The following DYM variants were observed in gnomAD, a reference collection of about 807,000 sequenced individuals.
DYM encodes the protein dymeclin.
In DYM, 78 loss-of-function variants were observed where a neutral mutation model predicts 93.1. That is an observed-to-expected ratio of 0.84 (90% CI 0.70 to 1.01). The LOEUF is 1.01. DYM is among the 50% of genes least tolerant of loss of function. The pLI, the probability that DYM is intolerant of heterozygous loss-of-function variation, is 0.00. For missense variants in DYM, 789 were observed against 845.0 expected (o/e 0.93, Z 0.82); for synonymous variants, 321 against 319.7 (o/e 1.00, Z -0.04).
chr18:49,319,116 CATT>C (rs1364780530), intron 8 of DYM, among the ~76,000 whole-genome samples: 1 of 152,104 alleles, frequency 6.6e-6, no homozygotes, highest in East Asian at 1.9e-4. Context: ...AAATAGGTAA[CATT>C]ATTTCTACTT....
At chr18:49,117,336 C>T (rs2081998690) in intron 16 of DYM, among the ~76,000 whole-genome samples, 1 of 152,126 alleles carries the variant, frequency 6.6e-6, no homozygotes, top group Non-Finnish European at 1.5e-5. Context: ...TGTTTACCAG[C>T]AATCATGAAA....
chr18:49,118,645 A>C, intron 16 of DYM, 99 bp downstream of exon 16: 1 of 1,141,492 alleles, frequency 8.8e-7, no homozygotes, highest in South Asian at 1.3e-5. Context: ...TGTTGAAAGA[A>C]GAAACTCTTA....
chr18:49,078,910 C>G (rs1599573718), intron 17 of DYM, among the ~76,000 whole-genome samples: 1 of 149,048 alleles, frequency 6.7e-6, no homozygotes, highest in African/African-American at 2.4e-5. Flanking sequence ...CTTTGAGACT[C>G]TCTGACTTCT....
chr18:49,425,203 T>C (rs1306949942), intron 2 of DYM, among the ~76,000 whole-genome samples: 13 of 151,966 alleles, frequency 8.6e-5, no homozygotes, highest in Admixed American at 6.6e-4. Context: ...GAGATATAGA[T>C]CAATGGAACA....
chr18:49,312,177 T>A (rs757174498), intron 8 of DYM, among the ~76,000 whole-genome samples: 1 of 152,132 alleles, frequency 6.6e-6, no homozygotes, highest in Non-Finnish European at 1.5e-5. Context: ...GAACAGAGGC[T>A]GTGAGAGCAG....
chr18:49,397,902 A>C (rs1415727486), intron 2 of DYM, among the ~76,000 whole-genome samples: 3 of 152,190 alleles, frequency 2.0e-5, no homozygotes, highest in Non-Finnish European at 4.4e-5. Context: ...TTTTCATTTT[A>C]CTTTTTCAAT....
At chr18:49,216,764 C>A (rs568605825) in intron 13 of DYM, among the ~76,000 whole-genome samples, 2 of 152,222 alleles carry the variant, frequency 1.3e-5, no homozygotes, top group East Asian at 3.9e-4. Context: ...ACATCACCAT[C>A]ATCAAAGACC....
intron 13 of DYM, among the ~76,000 whole-genome samples, chr18:49,221,776 G>C (rs1015453794): frequency 4.6e-5 from 7 of 152,054 alleles, no homozygotes; most frequent in African/African-American, 1.7e-4. Flanking sequence ...GAAGGAGGGA[G>C]GGATAGCATT....
At chr18:49,376,397 A>C (rs2067512394) in intron 5 of DYM, among the ~76,000 whole-genome samples, 3 of 152,242 alleles carry the variant, frequency 2.0e-5, no homozygotes, top group South Asian at 4.1e-4. Flanking sequence ...AGGAAAACAA[A>C]AATGTTTCCA....
intron 2 of DYM, among the ~76,000 whole-genome samples, chr18:49,422,756 G>C (rs1374743019): frequency 6.6e-6 from 1 of 152,168 alleles, no homozygotes; most frequent in African/African-American, 2.4e-5. Flanking sequence ...CCTAGTCTCT[G>C]ATAAAACAGA....
At chr18:49,424,428 C>G (rs8098842) in intron 2 of DYM, among the ~76,000 whole-genome samples, 3,612 of 152,098 alleles carry the variant, frequency 0.024, 136 homozygotes, top group African/African-American at 0.081. Flanking sequence ...ATGACAAACC[C>G]TCCACCAATA....
At chr18:49,322,024 A>G (rs915374907) in intron 8 of DYM, among the ~76,000 whole-genome samples, 3 of 152,284 alleles carry the variant, frequency 2.0e-5, no homozygotes, top group Non-Finnish European at 4.4e-5. Context: ...AAAATACATT[A>G]TAATTACTGC....
intron 15 of DYM, among the ~76,000 whole-genome samples, chr18:49,163,020 C>T (rs542984300): frequency 6.6e-6 from 1 of 152,204 alleles, no homozygotes; most frequent in African/African-American, 2.4e-5. Flanking sequence ...CTGGGAAATC[C>T]AGGTGTACTT....
intron 1 of DYM, among the ~76,000 whole-genome samples, chr18:49,439,002 G>A (rs920101572): frequency 3.3e-5 from 5 of 152,134 alleles, no homozygotes; most frequent in Admixed American, 1.3e-4. Context: ...CCCTCACTGG[G>A]CATCATTAGA....
chr18:49,112,672 A>C (rs1331338273), intron 16 of DYM, among the ~76,000 whole-genome samples: 1 of 152,096 alleles, frequency 6.6e-6, no homozygotes, highest in Admixed American at 6.5e-5. Context: ...TTTAGTAGTA[A>C]ATTTACTGAG....
chr18:49,217,079 G>C (rs1050401115), intron 13 of DYM, among the ~76,000 whole-genome samples: 2 of 152,206 alleles, frequency 1.3e-5, no homozygotes, highest in African/African-American at 4.8e-5. Flanking sequence ...GGAGCTGAAA[G>C]CCAAGGATCG....
At chr18:49,225,150 A>G (rs1033674760) in intron 13 of DYM, among the ~76,000 whole-genome samples, 14 of 152,186 alleles carry the variant, frequency 9.2e-5, no homozygotes, top group Admixed American at 4.6e-4. Context: ...TAGCTCATTC[A>G]CATGCATTAA....
chr18:49,387,309 C>CT (rs1292506044), intron 3 of DYM, among the ~76,000 whole-genome samples: 1 of 152,042 alleles, frequency 6.6e-6, no homozygotes, highest in African/African-American at 2.4e-5. Context: ...CGGAGTCTCA[C>CT]TCTGTCGCCC....
intron 8 of DYM, among the ~76,000 whole-genome samples, chr18:49,287,064 G>A (rs530117583): frequency 2.2e-4 from 33 of 152,006 alleles, no homozygotes; most frequent in Admixed American, 9.2e-4. Context: ...GATGGCAGGC[G>A]CCTGTAGTCC....
Sources: allele counts gnomAD v4.1 joint callset (sites outside exome capture counted in the v4.1 genomes callset), GRCh38; gene constraint gnomAD v4.1.1; transcripts MANE v1.5; gene names NCBI Gene and HGNC (gene_info 2026-07-23, HGNC 2026-07-21).